MIPOL1: variants seen among roughly 807,000 people sequenced by gnomAD.
MIPOL1 encodes mirror-image polydactyly gene 1 protein.
MIPOL1 carries 57 observed loss-of-function variants against 60.9 expected under a neutral mutation model. The observed-to-expected ratio is 0.94, with a 90% CI of 0.76 to 1.17. The LOEUF is 1.17. MIPOL1 is among the 50% of genes most tolerant of loss of function. The probability of loss-of-function intolerance (pLI) is 0.00; values close to 1 mark genes in which losing one functional copy is unlikely to be tolerated. For synonymous variants in MIPOL1, 179 were observed against 168.8 expected, an observed-to-expected ratio of 1.06 and a Z score of -0.47; for missense variants, 551 against 511.6, an observed-to-expected ratio of 1.08 and a Z score of -0.74.
chr14:37,440,876 A>G (rs2094232780), intron 11 of MIPOL1, among the ~76,000 whole-genome samples: 1 of 152,070 alleles, frequency 6.6e-6, no homozygotes, highest in South Asian at 2.1e-4. Context: ...TTACATTCCC[A>G]CCAATAGTAT....
At chr14:37,224,031 C>T (rs889298146) in intron 1 of MIPOL1, among the ~76,000 whole-genome samples, 1 of 152,190 alleles carries the variant, frequency 6.6e-6, no homozygotes, top group Non-Finnish European at 1.5e-5. Flanking sequence ...TTTATCTCCT[C>T]AGTTCCCTAA....
chr14:37,258,940 G>A (rs1433353943), intron 3 of MIPOL1, among the ~76,000 whole-genome samples: 1 of 151,844 alleles, frequency 6.6e-6, no homozygotes, highest in African/African-American at 2.4e-5. Flanking sequence ...GAATTTTCAT[G>A]AATAGCCAAT....
At chr14:37,542,920 A>G (rs140359743) in intron 12 of MIPOL1, among the ~76,000 whole-genome samples, 9 of 152,328 alleles carry the variant, frequency 5.9e-5, no homozygotes, top group African/African-American at 2.2e-4. Context: ...CTTATATACA[A>G]GTGTCTGCTT....
intron 11 of MIPOL1, among the ~76,000 whole-genome samples, chr14:37,492,832 C>A (rs2095064728): frequency 6.6e-6 from 1 of 152,082 alleles, no homozygotes. Flanking sequence ...TCTTTAGCTT[C>A]TATTCACTAA....
chr14:37,237,885 T>G (rs943131917), intron 1 of MIPOL1, among the ~76,000 whole-genome samples: 6 of 152,226 alleles, frequency 3.9e-5, no homozygotes, highest in African/African-American at 1.4e-4. Context: ...GGTTAAGTCC[T>G]GCTCACTGAC....
chr14:37,489,007 C>T (rs1013778167), intron 11 of MIPOL1, among the ~76,000 whole-genome samples: 3 of 152,166 alleles, frequency 2.0e-5, no homozygotes, highest in Non-Finnish European at 2.9e-5. Flanking sequence ...TGGGGAATTT[C>T]TCCTCGATAA....
Position 37,267,120 on chromosome 14 carries a change from A to G in MIPOL1, c.202A>G (p.Ser68Gly), listed in dbSNP as rs143309588. The G allele has an allele frequency of 3.4e-5, 55 of 1,613,770 alleles. No individual in the cohort carries two copies. The highest frequency in any genetic ancestry group is 4.6e-5 in the Non-Finnish European group (54 of 1,179,936). Residue 68 changes from serine (S) to glycine (G), a missense_variant, in exon 4 of 13, where the codon AGT becomes GGT. Ser to Gly is a moderately conservative substitution (Grantham distance 56). Coordinates refer to ENST00000684589, the MANE Select transcript of MIPOL1 (RefSeq NM_001388067.1). ...GQRSTNFQII[S>G]SYPDDESVYC... ...GAGATCAACGAATTTTCAGATCATC[A>G]GTTCTTATCCAGATGATGAGTCTGT... is the stretch of plus-strand genomic sequence containing the variant.
rs2094955650 is a variant in MIPOL1, at chr14:37,486,893, G to A, written c.1032-13015G>A. On this transcript the variant is annotated intron_variant, in intron 11 of 12. Transcript: ENST00000684589. ...ATGTTGAATGGGAGTGGGTATGAGA[G>A]GGCATCCTTGTCTTGTGCCAGTTTT... 2.0e-5 allele frequency among the ~76,000 whole-genome samples: 3 copies of A among 152,156 alleles called. No homozygotes were observed. In the South Asian group the frequency reaches 6.2e-4, roughly 32 times the overall value.
chr14:37,481,692 A>G (rs2094873416), intron 11 of MIPOL1, among the ~76,000 whole-genome samples: 1 of 151,836 alleles, frequency 6.6e-6, no homozygotes, highest in Non-Finnish European at 1.5e-5. Flanking sequence ...AAATAATACA[A>G]CAGAGCTGTA....
chr14:37,506,641 A>G (rs1039239397), intron 12 of MIPOL1: 2 of 152,124 alleles, frequency 1.3e-5, no homozygotes, highest in East Asian at 3.9e-4. Context: ...AACCATAAAA[A>G]CTCTAGAAGA....
intron 1 of MIPOL1, among the ~76,000 whole-genome samples, chr14:37,232,346 C>T (rs1159761484): frequency 1.3e-5 from 2 of 152,138 alleles, no homozygotes; most frequent in Admixed American, 6.5e-5. Context: ...CTGTTTTCTT[C>T]ACAGTGTACT....
intron 9 of MIPOL1, among the ~76,000 whole-genome samples, chr14:37,340,820 T>C (rs2090516530): frequency 6.6e-6 from 1 of 152,166 alleles, no homozygotes; most frequent in African/African-American, 2.4e-5. Context: ...TACAAAAATG[T>C]CCTAGGCCTT....
chr14:37,229,037 A>G (rs1014933666), intron 1 of MIPOL1, among the ~76,000 whole-genome samples: 27 of 140,986 alleles, frequency 1.9e-4, no homozygotes, highest in Non-Finnish European at 2.6e-4. Context: ...TTCATCAAAC[A>G]TCTTTACTGT....
At chr14:37,276,600 CAA>C (rs1159229721) in intron 6 of MIPOL1, 1 of 150,928 alleles carries the variant, frequency 6.6e-6, no homozygotes, top group African/African-American at 2.4e-5. Flanking sequence ...TTAAGAGGAA[CAA>C]GAGTTAATTT....
intron 10 of MIPOL1, among the ~76,000 whole-genome samples, chr14:37,386,029 T>G (rs185968618): frequency 1.8e-4 from 27 of 152,188 alleles, no homozygotes; most frequent in Admixed American, 3.9e-4. Context: ...TCCCTTTAAG[T>G]TGATTTATGT....
In MIPOL1 at chr14:37,420,079, G is replaced by A. The variant is rs142271713; in HGVS notation, c.937-2776G>A. ...TGGCTGAATTTTTTTTTTATGTGACGCAAAATAGCAATTTTTGAAAAAAAA... is the reference window on the plus strand; with the variant it reads ...TGGCTGAATTTTTTTTTTATGTGACACAAAATAGCAATTTTTGAAAAAAAA... On this transcript the variant is annotated intron_variant, in intron 10 of 12. Transcript: ENST00000684589. 5.1e-3 allele frequency among the ~76,000 whole-genome samples: 760 copies of A among 148,988 alleles called. 5 individuals carry two copies. Among genetic ancestry groups the A allele is most frequent in the African/African-American group, 0.016 (666 of 40,434 alleles).
intron 10 of MIPOL1, among the ~76,000 whole-genome samples, chr14:37,381,538 G>A (rs1382954323): frequency 6.6e-6 from 1 of 151,404 alleles, no homozygotes; most frequent in Non-Finnish European, 1.5e-5. Flanking sequence ...TCAAAAAAAT[G>A]TTTCCAAAAT....
At chr14:37,508,037 A>C (rs1223133348) in intron 12 of MIPOL1, among the ~76,000 whole-genome samples, 2 of 152,266 alleles carry the variant, frequency 1.3e-5, no homozygotes, top group Non-Finnish European at 2.9e-5. Flanking sequence ...ATGTATCTTC[A>C]TGAGGCTATT....
chr14:37,486,088 A>T (rs1594654135), intron 11 of MIPOL1, among the ~76,000 whole-genome samples: 1 of 152,174 alleles, frequency 6.6e-6, no homozygotes, highest in Admixed American at 6.5e-5. Flanking sequence ...TTAAATAGGG[A>T]ATTATTTCCC....
Sources: allele counts gnomAD v4.1 joint callset (sites outside exome capture counted in the v4.1 genomes callset), GRCh38; gene constraint gnomAD v4.1.1; transcripts MANE v1.5; gene names NCBI Gene and HGNC (gene_info 2026-07-23, HGNC 2026-07-21).